Variants in CUL4A observed in about 807,000 individuals in gnomAD.
CUL4A encodes the protein cullin-4A.
CUL4A carries 16 observed loss-of-function variants against 95.5 expected under a neutral mutation model. The observed-to-expected ratio is 0.17, with a 90% confidence interval of 0.11 to 0.25. The LOEUF is 0.25. Among genes scored for constraint, CUL4A ranks in the 10% least tolerant of loss-of-function variants. The pLI is 1.00. For missense variants in CUL4A, 610 were observed against 937.0 expected (o/e 0.65, Z 4.56); for synonymous variants, 380 against 353.1 (o/e 1.08, Z -0.85).
chr13:113,259,154 C>T (rs931810273), intron 18 of CUL4A, among the ~76,000 whole-genome samples: 1 of 152,202 alleles, frequency 6.6e-6, no homozygotes, highest in African/African-American at 2.4e-5. Flanking sequence ...TCCAGCTCAT[C>T]TACAAATAAT....
chr13:113,208,993 C>T (rs1595318037), upstream of CUL4A: 1 of 964,670 alleles, frequency 1.0e-6, no homozygotes, highest in Non-Finnish European at 1.3e-6. Flanking sequence ...CCGCGGAGGA[C>T]CCTCCGCGCC....
chr13:113,213,824 CA>C lies in CUL4A; in HGVS notation c.264+3737del, dbSNP rs550216745. On this transcript the variant is annotated intron_variant, in intron 2 of 19. Coordinates refer to ENST00000375440, the MANE Select transcript of CUL4A (RefSeq NM_001008895.4). Reference sequence around the variant, plus strand: ...AGGGGCATCTCTGGAGGTGCTGCCCCACCAGGGGATATGTGGAATCAGTTGA... The same window carrying C: ...AGGGGCATCTCTGGAGGTGCTGCCCCCCAGGGGATATGTGGAATCAGTTGA... Among the ~76,000 whole-genome samples, 125 of 152,336 alleles carry C rather than the reference CA, an allele frequency of 8.2e-4. 2 individuals carry two copies. Among genetic ancestry groups the C allele is most frequent in the African/African-American group, 2.9e-3 (122 of 41,574 alleles).
intron 18 of CUL4A, among the ~76,000 whole-genome samples, chr13:113,257,665 C>T (rs1412174272): frequency 1.3e-5 from 2 of 150,746 alleles, no homozygotes; most frequent in Non-Finnish European, 3.0e-5. Context: ...GGTCCCATCT[C>T]CAACACTGGA....
In CUL4A at chr13:113,243,180, T is replaced by C; in HGVS notation, c.1228+20T>C. On this transcript the variant is annotated intron_variant, in intron 11 of 19. Transcript: ENST00000375440. ...TGATCGGTAGAAAAATATTTGTTTT[T>C]TTTGTTTGTTTGTTTTTGAGACAGT... is the stretch of plus-strand genomic sequence containing the variant. The C allele has an allele frequency of 6.4e-7, 1 of 1,574,344 alleles. No individual in the cohort carries two copies. Among genetic ancestry groups the C allele is most frequent in the South Asian group, 1.1e-5 (1 of 87,564 alleles).
intron 2 of CUL4A, among the ~76,000 whole-genome samples, chr13:113,212,500 G>A (rs779371321): frequency 1.3e-5 from 2 of 152,146 alleles, no homozygotes; most frequent in African/African-American, 4.8e-5. Context: ...TCTAGAGTCA[G>A]AGTCGGGTGC....
chr13:113,243,190 T>G (rs2041768936), intron 11 of CUL4A, 30 bp downstream of exon 11: 1 of 1,573,258 alleles, frequency 6.4e-7, no homozygotes. Flanking sequence ...TTTTGTTTGT[T>G]TGTTTTTGAG....
In CUL4A at chr13:113,235,172, TC is replaced by T. The variant is rs777842887; in HGVS notation, c.848+28del. On this transcript the variant is annotated intron_variant, in intron 8 of 19. Coordinates refer to ENST00000375440, the MANE Select transcript of CUL4A (RefSeq NM_001008895.4). ...TAAGTACCGTTTGCTCGCTGAGCGT[TC>T]GTATCTTCACCATGGCTGGAAGGTT... The T allele has an allele frequency of 1.3e-5, 19 of 1,503,688 alleles. No individual in the cohort carries two copies. In the South Asian group the frequency reaches 2.2e-4, roughly 17 times the overall value. 93.1% of individuals were successfully genotyped at this position (1,503,688 alleles called of 1,614,324 possible). A position where few individuals can be genotyped will look rare whatever the true frequency, so the allele number is the denominator to read the frequency against.
chr13:113,239,607 C>T (rs780998259), intron 10 of CUL4A, 56 bp downstream of exon 10: 4 of 1,365,020 alleles, frequency 2.9e-6, no homozygotes, highest in Non-Finnish European at 3.1e-6. Context: ...GGAGCAGAGC[C>T]CCTCCTGAGA....
upstream of CUL4A, chr13:113,209,509 G>C: frequency 5.6e-6 from 3 of 533,670 alleles, no homozygotes; most frequent in Non-Finnish European, 7.2e-6. Context: ...GGGCACGCGG[G>C]CGGGGCGGGG....
chr13:113,248,383 G>A (rs1319619568), intron 15 of CUL4A, among the ~76,000 whole-genome samples: 2 of 151,938 alleles, frequency 1.3e-5, no homozygotes, highest in African/African-American at 2.4e-5. Flanking sequence ...CTTAATTTAT[G>A]TACTTATTTT....
chr13:113,261,496 C>T (rs979781700), intron 19 of CUL4A, among the ~76,000 whole-genome samples: 7 of 152,274 alleles, frequency 4.6e-5, no homozygotes, highest in African/African-American at 1.2e-4. Context: ...TCCATCAGCC[C>T]ACATTTGCCC....
At chr13:113,208,620 G>C, upstream of CUL4A, 1 of 1,608,044 alleles carries the variant, frequency 6.2e-7, no homozygotes, top group East Asian at 2.2e-5. Context: ...ACTGGTTAAT[G>C]GTAATGTGCG....
intron 18 of CUL4A, among the ~76,000 whole-genome samples, chr13:113,256,926 GTTTTTTTTT>G (rs951070829): frequency 2.1e-5 from 1 of 47,386 alleles, no homozygotes; most frequent in Middle Eastern, 0.021. Flanking sequence ...TTTTTTTTTC[GTTTTTTTTT>G]TTTTTTTTTT....
rs1197388632 is a variant in CUL4A, at chr13:113,260,211, A to AAAAAAAAAAAAAAAAAAAAAAAAAAAC, written c.2032-388_2032-387insAAAAAAAAAAAAAAAAAACAAAAAAAA. Among the ~76,000 whole-genome samples the AAAAAAAAAAAAAAAAAAAAAAAAAAAC allele has an allele frequency of 1.0e-4, 12 of 119,518 alleles. 1 individual carries two copies. In the East Asian group the frequency reaches 2.7e-3, roughly 27 times the overall value. The allele number at this position is 119,518 out of a possible 152,430, so 78.4% of individuals were successfully genotyped here. On this transcript the variant is annotated intron_variant, in intron 18 of 19. Coordinates refer to ENST00000375440, the MANE Select transcript of CUL4A (RefSeq NM_001008895.4). ...AGAGTGAGACTCCGTCTCAAAAAAA[A>AAAAAAAAAAAAAAAAAAAAAAAAAAAC]AAAAAAAACCATTTCCCATCAAATT...
intron 10 of CUL4A, among the ~76,000 whole-genome samples, chr13:113,241,208 A>G (rs576824330): frequency 6.6e-6 from 1 of 152,306 alleles, no homozygotes; most frequent in Non-Finnish European, 1.5e-5. Context: ...TCTTCAGGGG[A>G]TGGGAATGTG....
At chr13:113,218,372 G>T (rs1253249093) in intron 2 of CUL4A, among the ~76,000 whole-genome samples, 1 of 152,204 alleles carries the variant, frequency 6.6e-6, no homozygotes, top group Admixed American at 6.5e-5. Context: ...TCTGGCCTGT[G>T]TCACCCAGAA....
At chr13:113,231,605 G>T (rs2041312441) in intron 5 of CUL4A, among the ~76,000 whole-genome samples, 1 of 152,182 alleles carries the variant, frequency 6.6e-6, no homozygotes, top group African/African-American at 2.4e-5. Flanking sequence ...TGCCCCAAGG[G>T]CTTCAGAGGC....
At chr13:113,260,573 T>C (rs2042250457) in intron 18 of CUL4A, 34 bp from the exon 19 acceptor site, 2 of 1,574,334 alleles carry the variant, frequency 1.3e-6, no homozygotes, top group African/African-American at 2.8e-5. Context: ...AAAATACAGT[T>C]TTACACTTAA....
chr13:113,236,293 A>G (rs1485852405), intron 8 of CUL4A, among the ~76,000 whole-genome samples: 1 of 152,100 alleles, frequency 6.6e-6, no homozygotes, highest in Non-Finnish European at 1.5e-5. Context: ...CTTCCTTCCA[A>G]CTGGGAGCAG....
Sources: gnomAD v4.1 joint callset for allele counts (sites outside exome capture counted in the v4.1 genomes callset) on GRCh38, gnomAD v4.1.1 for gene constraint, MANE v1.5 for transcripts, NCBI Gene and HGNC (gene_info 2026-07-23, HGNC 2026-07-21) for gene names.